The following XRCC1 variants were observed in gnomAD, a reference collection of about 807,000 sequenced individuals.
XRCC1 encodes DNA repair protein XRCC1.
Under a neutral mutation model 83.3 loss-of-function variants are expected in XRCC1, and 52 were observed. That is an observed-to-expected ratio of 0.62 (90% confidence interval 0.50 to 0.79). The LOEUF (loss-of-function observed/expected upper bound fraction) is 0.79. Ranked by LOEUF, XRCC1 falls within the 30% of genes least tolerant of loss-of-function variation. XRCC1 has a pLI of 0.00. For missense variants in XRCC1, 793 were observed against 823.5 expected (o/e 0.96, Z 0.45); for synonymous variants, 281 against 312.6 (o/e 0.90, Z 1.07).
At chr19:43,543,740 CG>C in intron 15 of XRCC1, 53 bp from the exon 16 acceptor site, 1 of 1,536,686 alleles carries the variant, frequency 6.5e-7, no homozygotes, top group Non-Finnish European at 9.0e-7. Context: ...TCAGCACTGA[CG>C]TCCTACTCCC....
At position 43,546,671 on chromosome 19, in the gene XRCC1, C is replaced by T; in HGVS notation, c.1350G>A (p.Lys450=). 1.9e-6 allele frequency: 3 copies of T among 1,610,938 alleles called. No individual in the cohort carries two copies. The highest frequency in any genetic ancestry group is 2.5e-6 in the Non-Finnish European group (3 of 1,179,186). The change falls in exon 12 of 17, where the codon AAG becomes AAA. Residue 450 remains lysine (K), a synonymous_variant. Coordinates refer to ENST00000262887, the MANE Select transcript of XRCC1 (RefSeq NM_006297.3). ...TQAAGPSSPQ[K]PPTPEETKAA... Reference sequence around the variant, plus strand: ...CTTTGGTCTCTTCAGGGGTTGGGGGCTTCTGGGGTGAGCTGGGTCCAGCTG... The same window carrying T: ...CTTTGGTCTCTTCAGGGGTTGGGGGTTTCTGGGGTGAGCTGGGTCCAGCTG...
chr19:43,559,479 CAAAAAAAAAAA>C (rs58121949), intron 3 of XRCC1, among the ~76,000 whole-genome samples: 1 of 56,530 alleles, frequency 1.8e-5, no homozygotes, highest in African/African-American at 7.3e-5. Context: ...GACTCCATCT[CAAAAAAAAAAA>C]AAAAAAAAAA....
intron 6 of XRCC1, 76 bp from the exon 7 acceptor site, chr19:43,553,167 G>A: frequency 6.9e-7 from 1 of 1,449,638 alleles, no homozygotes; most frequent in Non-Finnish European, 9.4e-7. Flanking sequence ...ATGGGACACA[G>A]AATATTGTTG....
intron 10 of XRCC1, among the ~76,000 whole-genome samples, chr19:43,551,184 T>C (rs998211933): frequency 2.0e-5 from 3 of 152,042 alleles, no homozygotes; most frequent in Non-Finnish European, 4.4e-5. Context: ...GCCAGGCTGG[T>C]CTCGAACTTC....
At chr19:43,550,985 G>GT (rs372931828) in intron 10 of XRCC1, among the ~76,000 whole-genome samples, 17 of 149,992 alleles carry the variant, frequency 1.1e-4, no homozygotes, top group Admixed American at 3.3e-4. Flanking sequence ...TGGTTTTTGG[G>GT]TTTTTTTTTT....
intron 3 of XRCC1, chr19:43,555,422 T>G (rs1187651230): frequency 6.6e-6 from 1 of 152,220 alleles, no homozygotes. Context: ...CAGCTTCTCG[T>G]GCATTGCAGA....
At chr19:43,556,184 A>T (rs1394872257) in intron 3 of XRCC1, among the ~76,000 whole-genome samples, 4 of 152,178 alleles carry the variant, frequency 2.6e-5, no homozygotes, top group Non-Finnish European at 5.9e-5. Context: ...CACCACACCC[A>T]GCTAGAACTT....
rs933500892 is a variant in XRCC1 at position 43,553,522 on chromosome 19, C to T, written c.490-10G>A. The T allele has an allele frequency of 1.1e-5, 17 of 1,613,930 alleles. No homozygotes were observed. The highest frequency in any genetic ancestry group is 1.6e-4 in the Middle Eastern group (1 of 6,084). ...TGGTCACTGTCACCTTCTAAGGTCC[C>T]GCAAGGTCAGTATTATAGGTGGGCT... On this transcript the variant is annotated splice_polypyrimidine_tract_variant and intron_variant, in intron 5 of 16. Coordinates refer to ENST00000262887, the MANE Select transcript of XRCC1 (RefSeq NM_006297.3).
At chr19:43,546,242 C>T in intron 12 of XRCC1, 136 bp from the exon 13 acceptor site, 1 of 989,796 alleles carries the variant, frequency 1.0e-6, no homozygotes, top group Non-Finnish European at 1.5e-6. Flanking sequence ...TCTGGGCCCC[C>T]AGCCCCTCCT....
In XRCC1 at chr19:43,543,369, T is replaced by C; in HGVS notation, c.*23A>G. 6.9e-7 allele frequency: 1 copy of C among 1,446,290 alleles called. No homozygotes were observed. The allele number at this position is 1,446,290 out of a possible 1,614,324, so 89.6% of individuals were successfully genotyped here. A position where few individuals can be genotyped will look rare whatever the true frequency, so the allele number is the denominator to read the frequency against. Reference sequence around the variant, plus strand: ...GTGTGTGTGTGTGTGTGTGTGTGTGTGTGTGTGTGTATAGCACATACTTCA... The same window carrying C: ...GTGTGTGTGTGTGTGTGTGTGTGTGCGTGTGTGTGTATAGCACATACTTCA... On this transcript the variant is annotated 3_prime_UTR_variant, in exon 17 of 17. Coordinates refer to ENST00000262887, the MANE Select transcript of XRCC1 (RefSeq NM_006297.3).
In XRCC1 at chr19:43,552,914, G is replaced by C; in HGVS notation, c.712-6C>G. 1 of 1,612,816 alleles carries C rather than the reference G, an allele frequency of 6.2e-7. No individual in the cohort carries two copies. Among genetic ancestry groups the C allele is most frequent in the Non-Finnish European group, 8.5e-7 (1 of 1,179,496 alleles). On this transcript the variant is annotated splice_region_variant and splice_polypyrimidine_tract_variant and intron_variant, in intron 7 of 16. Transcript: ENST00000262887. ...CCTTTGGGAGACTCCTGGGGCTGAG[G>C]GGATGGGGATGGATTGAGGCCTCCA...
At chr19:43,572,368 G>T (rs1325831474) in intron 2 of XRCC1, among the ~76,000 whole-genome samples, 1 of 152,208 alleles carries the variant, frequency 6.6e-6, no homozygotes, top group Admixed American at 6.5e-5. Flanking sequence ...GGGCTTGGAT[G>T]TCATTATTCC....
intron 10 of XRCC1, among the ~76,000 whole-genome samples, chr19:43,551,169 T>C (rs1424007395): frequency 3.3e-5 from 5 of 152,162 alleles, no homozygotes; most frequent in African/African-American, 7.2e-5. Flanking sequence ...GGTTTCACCA[T>C]GTTGGCCAGG....
intron 9 of XRCC1, 92 bp from the exon 10 acceptor site, chr19:43,551,779 A>G: frequency 9.7e-7 from 1 of 1,034,556 alleles, no homozygotes; most frequent in Admixed American, 1.8e-5. Context: ...AGAGAGAGAG[A>G]CAGACAGACA....
rs1972604559 is a variant in XRCC1, at chr19:43,553,532, G to A, written c.490-20C>T. The A allele has an allele frequency of 1.9e-6, 3 of 1,614,014 alleles. No individual in the cohort carries two copies. Among genetic ancestry groups the A allele is most frequent in the African/African-American group, 1.3e-5 (1 of 75,030 alleles). ...CACCTTCTAAGGTCCCGCAAGGTCAGTATTATAGGTGGGCTGCTGGCAGGT... is the reference window on the plus strand; with the variant it reads ...CACCTTCTAAGGTCCCGCAAGGTCAATATTATAGGTGGGCTGCTGGCAGGT... On this transcript the variant is annotated intron_variant, in intron 5 of 16. Coordinates refer to ENST00000262887, the MANE Select transcript of XRCC1 (RefSeq NM_006297.3).
Position 43,575,511 on chromosome 19 carries a change from C to G in XRCC1, c.-53G>C. ...GAAGGATGAGGTAGAGTATGGGGTCCGAGGGGCAGGGAGAGTGGGAGGGGG... is the reference window on the plus strand; with the variant it reads ...GAAGGATGAGGTAGAGTATGGGGTCGGAGGGGCAGGGAGAGTGGGAGGGGG... On this transcript the variant is annotated 5_prime_UTR_variant, in exon 1 of 17. Transcript: ENST00000262887. The G allele has an allele frequency of 5.7e-6, 9 of 1,579,478 alleles. No homozygotes were observed. The highest frequency in any genetic ancestry group is 6.9e-6 in the Non-Finnish European group (8 of 1,153,906).
intron 2 of XRCC1, among the ~76,000 whole-genome samples, chr19:43,562,186 T>C (rs1290973329): frequency 1.4e-5 from 2 of 144,294 alleles, no homozygotes; most frequent in East Asian, 2.2e-4. Context: ...TAGTCCACCC[T>C]ACACTGCCCT....
At chr19:43,552,345 C>A in intron 8 of XRCC1, 70 bp from the exon 9 acceptor site, 1 of 1,198,278 alleles carries the variant, frequency 8.3e-7, no homozygotes, top group Non-Finnish European at 1.2e-6. Context: ...CTCCCTCAGA[C>A]CCAGCAGTCC....
Position 43,553,449 on chromosome 19 carries a change from G to A in XRCC1, c.553C>T (p.Leu185=), listed in dbSNP as rs2146052460. 1 of 1,614,210 alleles carries A rather than the reference G, an allele frequency of 6.2e-7. No individual in the cohort carries two copies. The highest frequency in any genetic ancestry group is 8.5e-7 in the Non-Finnish European group (1 of 1,180,040). ...CTGAAGAAGAGAGCCCCCGGCCTCA[G>A]AGAGTTGGCGCTCTCATCCTCCTCC... ...VKEEDESANS[L]RPGALFFSRI... The change falls in exon 6 of 17, where the codon CTG becomes TTG. Residue 185 remains leucine, a synonymous_variant. Coordinates refer to ENST00000262887, the MANE Select transcript of XRCC1 (RefSeq NM_006297.3).
Sources: allele counts gnomAD v4.1 joint callset (sites outside exome capture counted in the v4.1 genomes callset), GRCh38; gene constraint gnomAD v4.1.1; transcripts MANE v1.5; gene names NCBI Gene and HGNC (gene_info 2026-07-23, HGNC 2026-07-21).